Variants in MYO15A observed in about 807,000 individuals in gnomAD.
The protein encoded by MYO15A is myosin XVA, also known as unconventional myosin-XV.
In MYO15A, 308 loss-of-function variants were observed where a neutral mutation model predicts 394.6. The ratio of observed to expected loss-of-function variants is 0.78; its 90% CI spans 0.71 to 0.86. MYO15A has a LOEUF of 0.86. Ranked by LOEUF, MYO15A falls within the 40% of genes least tolerant of loss-of-function variation. MYO15A has a pLI of 0.00. For synonymous variants in MYO15A, 1,957 were observed against 2,003.8 expected (o/e 0.98, Z 0.62); for missense variants, 4,606 against 4,799.1 (o/e 0.96, Z 1.19).
chr17:18,143,837 G>A (rs1454016829), intron 27 of MYO15A, 33 bp from the exon 28 acceptor site: 1 of 1,570,410 alleles, frequency 6.4e-7, no homozygotes, highest in South Asian at 1.2e-5. Flanking sequence ...AGGCAGATCA[G>A]AGCAGGCACC....
intron 3 of MYO15A, 98 bp from the exon 4 acceptor site, chr17:18,125,070 A>T: frequency 8.8e-7 from 1 of 1,134,022 alleles, no homozygotes; most frequent in Non-Finnish European, 1.3e-6. Context: ...ACTTGAATTC[A>T]GGCCTATCTG....
Position 18,147,733 on chromosome 17 carries a change from C to T in MYO15A, c.6510-296C>T, listed in dbSNP as rs1280767745. 1.3e-5 allele frequency among the ~76,000 whole-genome samples: 2 copies of T among 152,164 alleles called. No homozygotes were observed. Among genetic ancestry groups the T allele is most frequent in the Non-Finnish European group, 2.9e-5 (2 of 68,032 alleles). On this transcript the variant is annotated intron_variant, in intron 30 of 65. Coordinates refer to ENST00000647165, the MANE Select transcript of MYO15A (RefSeq NM_016239.4). The surrounding 1 kb of genome is among the most constrained non-coding windows in gnomAD (Gnocchi z 4.4). ...CCTATCCTTGGACCTCTGGGCTGGC[C>T]TGAGATACTTCTGGACTAGCCTGGG...
rs2046610133 is a variant in MYO15A at position 18,153,044 on chromosome 17, C to G, written c.7967-731C>G. 6.6e-6 allele frequency among the ~76,000 whole-genome samples: 1 copy of G among 152,212 alleles called. No homozygotes were observed. The highest frequency in any genetic ancestry group is 2.4e-5 in the African/African-American group (1 of 41,456). On this transcript the variant is annotated intron_variant, in intron 42 of 65. Transcript: ENST00000647165. The surrounding 1 kb of genome is among the most constrained non-coding windows in gnomAD (Gnocchi z 4.1). ...CCACACCTGCCATGGGCACTAAACT[C>G]CAGGGCAGGGGCATTGTTTACCTTA...
chr17:18,124,392 G>A, intron 2 of MYO15A, 91 bp from the exon 3 acceptor site: 2 of 1,359,222 alleles, frequency 1.5e-6, no homozygotes, highest in Non-Finnish European at 2.1e-6. Context: ...CCCCAACAAT[G>A]GTAGCAGGCC....
chr17:18,124,841 G>A (rs984101830), intron 3 of MYO15A: 2 of 586,246 alleles, frequency 3.4e-6, no homozygotes, highest in East Asian at 2.9e-5. Flanking sequence ...GAGTGGGATG[G>A]CTGTTGTGAG....
rs552797261 is a variant in MYO15A, at chr17:18,127,199, G to A, written c.4032+34G>A. ...ACCTGTCTCCCCAGGACCCTAGGCT[G>A]AACACCCTTTGATAAGCACACCTCA... On this transcript the variant is annotated intron_variant, in intron 7 of 65. Transcript: ENST00000647165. 203 of 1,610,912 alleles carry A rather than the reference G, an allele frequency of 1.3e-4. 1 individual carries two copies. The Middle Eastern group carries it at 1.5e-3, about 12-fold the overall frequency.
chr17:18,151,745 G>A, intron 40 of MYO15A, 101 bp from the exon 41 acceptor site: 1 of 1,244,214 alleles, frequency 8.0e-7, no homozygotes, highest in South Asian at 1.3e-5. Flanking sequence ...CATTTATAAT[G>A]ATAGGGGGTG....
chr17:18,130,655 C>T (rs2046138333), intron 7 of MYO15A, 150 bp from the exon 8 acceptor site: 2 of 1,326,646 alleles, frequency 1.5e-6, no homozygotes, highest in African/African-American at 1.5e-5. Flanking sequence ...CAAGCCTGGA[C>T]CCCTGGGGTC....
At chr17:18,162,813 A>T in intron 58 of MYO15A, 134 bp downstream of exon 58, 1 of 863,040 alleles carries the variant, frequency 1.2e-6, no homozygotes, top group Non-Finnish European at 1.9e-6. Context: ...CAGCCTGGCC[A>T]ACATGGTGAA....
chr17:18,160,765 C>T (rs2046762686), intron 56 of MYO15A: 1 of 236,340 alleles, frequency 4.2e-6, no homozygotes, highest in Admixed American at 5.1e-5. Context: ...ACCCTCACAC[C>T]CAGGACCATG....
chr17:18,161,833 G>T (rs1486969733), intron 57 of MYO15A, among the ~76,000 whole-genome samples: 1 of 152,104 alleles, frequency 6.6e-6, no homozygotes, highest in Non-Finnish European at 1.5e-5. Flanking sequence ...CTCAGCAAGG[G>T]TCTTGAGGGA....
intron 60 of MYO15A, among the ~76,000 whole-genome samples, chr17:18,166,050 C>T (rs544417074): frequency 2.4e-4 from 37 of 152,306 alleles, no homozygotes; most frequent in Non-Finnish European, 4.6e-4. Flanking sequence ...TTCCCAGATC[C>T]AGGCAGGCCA....
Position 18,154,764 on chromosome 17 carries a change from G to A in MYO15A, c.8224+9G>A. 1 of 1,612,972 alleles carries A rather than the reference G, an allele frequency of 6.2e-7. No individual in the cohort carries two copies. The highest frequency in any genetic ancestry group is 1.3e-5 in the African/African-American group (1 of 75,042). On this transcript the variant is annotated intron_variant, in intron 45 of 65. Coordinates refer to ENST00000647165, the MANE Select transcript of MYO15A (RefSeq NM_016239.4). ...GATGAAGGCCTTGTTTGGTATCTCGGGGGAGAGGAGGGGTACTGATGGGGC... is the reference window on the plus strand; with the variant it reads ...GATGAAGGCCTTGTTTGGTATCTCGAGGGAGAGGAGGGGTACTGATGGGGC...
rs537754926 is a variant in MYO15A, at chr17:18,151,613, C to T, written c.7787+86C>T. On this transcript the variant is annotated intron_variant, in intron 40 of 65. Coordinates refer to ENST00000647165, the MANE Select transcript of MYO15A (RefSeq NM_016239.4). ...GGCCCACCAGCTTACTGGGTTGAAG[C>T]GCCCTGCCCAGCTCCTGTTAGGGAG... The T allele has an allele frequency of 1.4e-5, 21 of 1,548,750 alleles. No individual in the cohort carries two copies. In the Admixed American group the frequency reaches 2.5e-4, roughly 19 times the overall value.
chr17:18,171,676 G>T lies in MYO15A; in HGVS notation c.10121G>T (p.Arg3374Leu). ...GAGTACATCCCAGCCCAGCTCTACC[G>T]TACAACGGCAGGCTCGACCTGGCTC... is the stretch of plus-strand genomic sequence containing the variant. The part of the protein sequence containing the change: ...VQEYIPAQLY[R>L]TTAGSTWLNL... Residue 3374 changes from arginine to leucine, a missense_variant, in exon 63 of 66, where the codon CGT becomes CTT. By Grantham distance (102) the Arg-to-Leu change is moderately radical. Coordinates refer to ENST00000647165, the MANE Select transcript of MYO15A (RefSeq NM_016239.4). The T allele has an allele frequency of 6.2e-7, 1 of 1,613,784 alleles. No individual in the cohort carries two copies. The highest frequency in any genetic ancestry group is 8.5e-7 in the Non-Finnish European group (1 of 1,180,030).
chr17:18,175,755 G>A (rs1226465052), intron 65 of MYO15A, among the ~76,000 whole-genome samples: 1 of 152,140 alleles, frequency 6.6e-6, no homozygotes, highest in Non-Finnish European at 1.5e-5. Flanking sequence ...CCCCCTTGGA[G>A]ACCAACAGTC....
chr17:18,171,831 G>A (rs983759006), intron 63 of MYO15A, 60 bp downstream of exon 63: 1 of 1,576,944 alleles, frequency 6.3e-7, no homozygotes, highest in African/African-American at 1.3e-5. Context: ...GGGTGGTCAT[G>A]GAGGATGGGT....
At chr17:18,160,687 C>T (rs1232704506) in intron 56 of MYO15A, 3 of 203,240 alleles carry the variant, frequency 1.5e-5, no homozygotes, top group African/African-American at 2.3e-5. Context: ...GGATCCAGAG[C>T]GGGGTGGGTG....
chr17:18,150,562 T>G lies in MYO15A; in HGVS notation c.7327+19T>G, dbSNP rs1375640233. ...AAGCCAAGTCAGTGCCTCCCCAGGGTGGTTCCAGGGTTGGGCAGGGCCAGA... is the reference window on the plus strand; with the variant it reads ...AAGCCAAGTCAGTGCCTCCCCAGGGGGGTTCCAGGGTTGGGCAGGGCCAGA... On this transcript the variant is annotated intron_variant, in intron 36 of 65. Coordinates refer to ENST00000647165, the MANE Select transcript of MYO15A (RefSeq NM_016239.4). The surrounding 1 kb of genome is among the most constrained non-coding windows in gnomAD (Gnocchi z 4.4). The G allele has an allele frequency of 2.5e-6, 4 of 1,613,468 alleles. No homozygotes were observed. The African/African-American group carries it at 5.3e-5, about 22-fold the overall frequency.
Sources: gnomAD v4.1 joint callset for allele counts (sites outside exome capture counted in the v4.1 genomes callset) on GRCh38, gnomAD v4.1.1 for gene constraint, Gnocchi (gnomAD v3.1) non-coding constraint, MANE v1.5 for transcripts, NCBI Gene and HGNC (gene_info 2026-07-23, HGNC 2026-07-21) for gene names.